Variants in ZNF426 observed in about 807,000 individuals in gnomAD.
The protein encoded by ZNF426 is zinc finger protein 426.
ZNF426 carries 23 observed loss-of-function variants against 24.0 expected under a neutral mutation model. The observed-to-expected ratio is 0.96, with a 90% CI of 0.69 to 1.36. ZNF426 has a LOEUF of 1.36. ZNF426 is among the 40% of genes most tolerant of loss of function. ZNF426 has a pLI of 0.00. For missense variants in ZNF426, 646 were observed against 658.4 expected, an observed-to-expected ratio of 0.98 and a Z score of 0.21; for synonymous variants, 272 against 224.6, an observed-to-expected ratio of 1.21 and a Z score of -1.89.
At chr19:9,538,425 G>A (rs2074000829) in intron 1 of ZNF426, 80 bp from the exon 2 acceptor site, 1 of 152,180 alleles carries the variant, frequency 6.6e-6, no homozygotes, top group Non-Finnish European at 1.5e-5. Context: ...TGCGGACACC[G>A]TAACTATAAA....
At chr19:9,534,091 T>A (rs1455764371) in intron 4 of ZNF426, 125 bp from the exon 5 acceptor site, 7 of 1,366,980 alleles carry the variant, frequency 5.1e-6, no homozygotes, top group Non-Finnish European at 2.0e-6. Flanking sequence ...AGCCCCAGGT[T>A]TTAAGGGTCC....
Position 9,529,071 on chromosome 19 carries a change from A to T in ZNF426, c.974T>A (p.Ile325Lys). 6.2e-7 allele frequency: 1 copy of T among 1,613,488 alleles called. No individual in the cohort carries two copies. The highest frequency in any genetic ancestry group is 8.5e-7 in the Non-Finnish European group (1 of 1,179,782). ...KAFNYSNSFQ[I>K]HGRTHTGEKP... ...CTCTCCAGTGTGAGTTCTTCCATGT[A>T]TCTGAAATGAGTTGGAATAATTGAA... The change falls in exon 8 of 8, where the codon ATA becomes AAA. Residue 325 changes from isoleucine to lysine, a missense_variant. Ile to Lys is a moderately radical substitution (Grantham distance 102). Transcript: ENST00000253115.
At position 9,528,265 on chromosome 19, in the gene ZNF426, G is replaced by T; in HGVS notation, c.*115C>A. Reference sequence around the variant, plus strand: ...AGCCTCTCAAAATGCTGGGATTACAGGAATTAAGTAATTTTCATGCAGCTT... The same window carrying T: ...AGCCTCTCAAAATGCTGGGATTACATGAATTAAGTAATTTTCATGCAGCTT... On this transcript the variant is annotated 3_prime_UTR_variant, in exon 8 of 8. Transcript: ENST00000253115. 8.7e-7 allele frequency: 1 copy of T among 1,145,260 alleles called. No homozygotes were observed. Among genetic ancestry groups the T allele is most frequent in the Non-Finnish European group, 1.2e-6 (1 of 822,468 alleles). The allele number at this position is 1,145,260 out of a possible 1,614,324, so 70.9% of individuals were successfully genotyped here. A position where few individuals can be genotyped will look rare whatever the true frequency, so the allele number is the denominator to read the frequency against.
In ZNF426 at chr19:9,528,366, TG is replaced by T; in HGVS notation, c.*13del. 6.4e-7 allele frequency: 1 copy of T among 1,553,658 alleles called. No individual in the cohort carries two copies. The highest frequency in any genetic ancestry group is 8.7e-7 in the Non-Finnish European group (1 of 1,152,776). On this transcript the variant is annotated 3_prime_UTR_variant, in exon 8 of 8. Transcript: ENST00000253115. ...TGAGAGCTTTCCCACATTTATTACATGGACAGTTTCTCACTAGTGAATTTGT... is the reference window on the plus strand; with the variant it reads ...TGAGAGCTTTCCCACATTTATTACATGACAGTTTCTCACTAGTGAATTTGT...
At chr19:9,530,470 T>C (rs2073866371) in intron 7 of ZNF426, among the ~76,000 whole-genome samples, 1 of 143,364 alleles carries the variant, frequency 7.0e-6, no homozygotes, top group Non-Finnish European at 1.5e-5. Context: ...AAAAAAAAAA[T>C]TCATAGTCTA....
intron 6 of ZNF426, among the ~76,000 whole-genome samples, chr19:9,531,588 GATC>G (rs1568484592): frequency 6.6e-6 from 1 of 152,088 alleles, no homozygotes; most frequent in Non-Finnish European, 1.5e-5. Context: ...AAAACTTTTC[GATC>G]GTTTATTACA....
At chr19:9,534,114 G>T (rs746610285) in intron 4 of ZNF426, 148 bp from the exon 5 acceptor site, 36 of 1,008,428 alleles carry the variant, frequency 3.6e-5, no homozygotes, top group Non-Finnish European at 5.2e-5. Flanking sequence ...GAAACTCCTC[G>T]CACCCTAAAC....
rs925858595 is a variant in ZNF426, at chr19:9,525,235, C to T, written c.*3145G>A. 5 of 148,280 alleles carry T rather than the reference C, an allele frequency of 3.4e-5. No homozygotes were observed. The highest frequency in any genetic ancestry group is 2.0e-4 in the East Asian group (1 of 5,028). The allele number at this position is 148,280 out of a possible 1,614,324, so 9.2% of individuals were successfully genotyped here. ...CTGCACTCCAGCCTGGGCGACAGAG[C>T]GAGACTCCGTCTCAAAAAAAATAAA... On this transcript the variant is annotated 3_prime_UTR_variant, in exon 8 of 8. Transcript: ENST00000253115.
intron 4 of ZNF426, among the ~76,000 whole-genome samples, chr19:9,534,813 T>C (rs2073940409): frequency 6.6e-6 from 1 of 152,202 alleles, no homozygotes; most frequent in Non-Finnish European, 1.5e-5. Context: ...CAGGCTGATC[T>C]TGAACTCCTG....
rs1417807487 is a variant in ZNF426 at position 9,528,568 on chromosome 19, T to C, written c.1477A>G (p.Ile493Val). 6.2e-7 allele frequency: 1 copy of C among 1,613,576 alleles called. No individual in the cohort carries two copies. Among genetic ancestry groups the C allele is most frequent in the Non-Finnish European group, 8.5e-7 (1 of 1,179,842 alleles). Residue 493 changes from isoleucine (I) to valine (V), a missense_variant, in exon 8 of 8, where the codon ATA (isoleucine) becomes GTA (valine). Physicochemically the swap from Ile to Val is conservative, Grantham distance 29. Coordinates refer to ENST00000253115, the MANE Select transcript of ZNF426 (RefSeq NM_024106.3). ...KAFSHSSSFQIHERTHTGEKP... is the reference protein window; with the variant it reads ...KAFSHSSSFQVHERTHTGEKP... ...TCTCCAGTGTGAGTCCTTTCATGTA[T>C]TTGAAATGAACTGGAATGACTGAAG...
rs553167673 is a variant in ZNF426 at position 9,526,224 on chromosome 19, T to C, written c.*2156A>G. On this transcript the variant is annotated 3_prime_UTR_variant, in exon 8 of 8. Coordinates refer to ENST00000253115, the MANE Select transcript of ZNF426 (RefSeq NM_024106.3). ...ATTTCCTCTTATCCAGTATGCCATG[T>C]CCAGCTAAGGAAAAATTACAAGCAT... is the stretch of plus-strand genomic sequence containing the variant. The C allele has an allele frequency of 6.0e-5, 9 of 150,912 alleles. No individual in the cohort carries two copies. The Admixed American group carries it at 6.0e-4, about 10-fold the overall frequency. 9.3% of individuals were successfully genotyped at this position (150,912 alleles called of 1,614,324 possible).
In ZNF426 at chr19:9,534,000, G is replaced by GT. The variant is rs780772073; in HGVS notation, c.118-35dup. On this transcript the variant is annotated intron_variant, in intron 4 of 7. Coordinates refer to ENST00000253115, the MANE Select transcript of ZNF426 (RefSeq NM_024106.3). ...TCACACACATGCTGGTTGGAGCCAA[G>GT]TAACAAGCCCATCAGCGTTCGCTGG... 40 of 1,606,436 alleles carry GT rather than the reference G, an allele frequency of 2.5e-5. No homozygotes were observed. In the African/African-American group the frequency reaches 4.8e-4, roughly 19 times the overall value.
Position 9,533,890 on chromosome 19 carries a change from C to A in ZNF426, c.194G>T (p.Ser65Ile), listed in dbSNP as rs1452819212. Residue 65 changes from serine (S) to isoleucine (I), a missense_variant, in exon 5 of 8, where the codon AGC becomes ATC. Physicochemically the swap from Ser to Ile is moderately radical, Grantham distance 142. Transcript: ENST00000253115. ...CTCCAGCATCACGTCACTGTAGAGG[C>A]TTCTCTGAGTTGAGTCCAGTAAAGT... ...EWTLLDSTQR[S>I]LYSDVMLENY... is the part of the protein sequence containing the mutation. 6.2e-7 allele frequency: 1 copy of A among 1,614,168 alleles called. No individual in the cohort carries two copies. Among genetic ancestry groups the A allele is most frequent in the Admixed American group, 1.7e-5 (1 of 60,020 alleles).
In ZNF426 at chr19:9,529,423, G is replaced by A. The variant is rs370009313; in HGVS notation, c.622C>T (p.Leu208=). Residue 208 remains leucine (L), a synonymous_variant, in exon 8 of 8, where the codon CTG becomes TTG. Transcript: ENST00000253115. ...CTCTGGTATACAATATTTGGTGTCA[G>A]GCTGAAGATTTTTTCACTCTGATTA... ...EFNQSEKIFS[L]TPNIVYQRTS... 2.7e-5 allele frequency: 43 copies of A among 1,613,672 alleles called. No homozygotes were observed. The highest frequency in any genetic ancestry group is 3.6e-5 in the Non-Finnish European group (42 of 1,179,930).
intron 2 of ZNF426, among the ~76,000 whole-genome samples, chr19:9,536,823 A>AT (rs35294011): frequency 0.46 from 69,217 of 151,706 alleles, 17,082 homozygotes; most frequent in Non-Finnish European, 0.56. Flanking sequence ...TATCTGGTTA[A>AT]TTTTTTTCCA....
chr19:9,538,035 T>C (rs2073994656), intron 2 of ZNF426, among the ~76,000 whole-genome samples: 1 of 152,198 alleles, frequency 6.6e-6, no homozygotes, highest in Non-Finnish European at 1.5e-5. Flanking sequence ...TTATTCTTAG[T>C]ATTCTTTAGC....
At chr19:9,535,716 C>T (rs1294122630) in intron 3 of ZNF426, among the ~76,000 whole-genome samples, 1 of 151,956 alleles carries the variant, frequency 6.6e-6, no homozygotes, top group South Asian at 2.1e-4. Context: ...TGCCTGCAGT[C>T]CCAGGTACTT....
chr19:9,535,077 CAAAAA>C lies in ZNF426; in HGVS notation c.117+106_117+110del, dbSNP rs35638085. ...CTGGCAACACAGCGAGACTCCCTCT[CAAAAA>C]AAAAAAAAAAAAAAGAAGTCTGGAG... On this transcript the variant is annotated intron_variant, in intron 4 of 7. Transcript: ENST00000253115. 2,263 of 414,244 alleles carry C rather than the reference CAAAAA, an allele frequency of 5.5e-3. 7 individuals are homozygous for C. Among genetic ancestry groups the C allele is most frequent in the Admixed American group, 0.039 (816 of 21,062 alleles). The allele number at this position is 414,244 out of a possible 1,614,324, so 25.7% of individuals were successfully genotyped here.
In ZNF426 at chr19:9,531,079, C is replaced by G; in HGVS notation, c.326-12G>C. On this transcript the variant is annotated splice_polypyrimidine_tract_variant and intron_variant, in intron 6 of 7. Transcript: ENST00000253115. ...TCGCATTTCCCATCCTGAAATAAAA[C>G]AGACAAACAAATAAAAGGACTCAAG... The G allele has an allele frequency of 6.2e-7, 1 of 1,610,700 alleles. No homozygotes were observed. The highest frequency in any genetic ancestry group is 8.5e-7 in the Non-Finnish European group (1 of 1,176,932).
Sources: gnomAD v4.1 joint callset for allele counts (sites outside exome capture counted in the v4.1 genomes callset) on GRCh38, gnomAD v4.1.1 for gene constraint, MANE v1.5 for transcripts, NCBI Gene and HGNC (gene_info 2026-07-23, HGNC 2026-07-21) for gene names.